PAM: variants seen among roughly 807,000 people sequenced by gnomAD.
The protein encoded by PAM is peptidyl-glycine alpha-amidating monooxygenase.
In PAM, 72 loss-of-function variants were observed where a neutral mutation model predicts 122.1. The ratio of observed to expected loss-of-function variants is 0.59; its 90% CI spans 0.49 to 0.72. The LOEUF (loss-of-function observed/expected upper bound fraction) is 0.72, where lower values mean the gene tolerates loss of function less well. Among genes scored for constraint, PAM ranks in the 30% least tolerant of loss-of-function variants. The pLI, the probability that PAM is intolerant of heterozygous loss-of-function variation, is 0.00. For missense variants in PAM, 1,106 were observed against 1,183.7 expected (o/e 0.93, Z 0.96); for synonymous variants, 389 against 404.4 (o/e 0.96, Z 0.46).
At chr5:102,906,189 A>G (rs111284963) in intron 4 of PAM, among the ~76,000 whole-genome samples, 5 of 151,856 alleles carry the variant, frequency 3.3e-5, no homozygotes, top group East Asian at 3.9e-4. Flanking sequence ...AATGTCTTCA[A>G]TTAGGTACAT....
In PAM at chr5:102,902,861, C is replaced by T. The variant is rs1246839754; in HGVS notation, c.268+1448C>T. The stretch of plus-strand genomic sequence containing the variant: ...CATGTGTTACAGCAGTATTACACAT[C>T]TCACATTAATAGGTTTGTTTCTGGA... On this transcript the variant is annotated intron_variant, in intron 4 of 25. Coordinates refer to ENST00000438793, the MANE Select transcript of PAM (RefSeq NM_001177306.2). Among the ~76,000 whole-genome samples the T allele has an allele frequency of 2.0e-5, 3 of 151,480 alleles. No individual in the cohort carries two copies. In the East Asian group the frequency reaches 5.8e-4, roughly 29 times the overall value.
intron 1 of PAM, among the ~76,000 whole-genome samples, chr5:102,809,094 A>C (rs1767076889): frequency 1.3e-5 from 2 of 152,192 alleles, no homozygotes; most frequent in South Asian, 4.1e-4. Context: ...AATGAGACAC[A>C]TGACCGGTTC....
intron 1 of PAM, among the ~76,000 whole-genome samples, chr5:102,785,484 T>G (rs1323748416): frequency 6.6e-6 from 1 of 152,050 alleles, no homozygotes; most frequent in Admixed American, 6.6e-5. Flanking sequence ...CCTTTAGAAG[T>G]ATCATGTGGA....
intron 1 of PAM, among the ~76,000 whole-genome samples, chr5:102,861,507 C>T (rs1181572695): frequency 2.0e-5 from 3 of 150,486 alleles, no homozygotes; most frequent in African/African-American, 7.3e-5. Context: ...TGAAGACAGA[C>T]TGAGAAACTG....
chr5:102,906,417 G>T (rs1330631228), intron 4 of PAM, among the ~76,000 whole-genome samples: 1 of 151,550 alleles, frequency 6.6e-6, no homozygotes, highest in Non-Finnish European at 1.5e-5. Flanking sequence ...CTCTGAAGAT[G>T]ACCTATTTGA....
At chr5:102,920,663 T>C (rs1415568381) in intron 5 of PAM, among the ~76,000 whole-genome samples, 1 of 152,120 alleles carries the variant, frequency 6.6e-6, no homozygotes, top group Non-Finnish European at 1.5e-5. Context: ...CCCCTCATGC[T>C]ATTGATTTTG....
chr5:102,875,623 T>G (rs1395708922), intron 3 of PAM, among the ~76,000 whole-genome samples: 2 of 152,164 alleles, frequency 1.3e-5, no homozygotes, highest in Non-Finnish European at 2.9e-5. Flanking sequence ...CAATGAAGAA[T>G]TTTTTTTGTT....
chr5:102,950,627 A>G (rs986226074), intron 11 of PAM, 90 bp from the exon 12 acceptor site: 7 of 768,052 alleles, frequency 9.1e-6, no homozygotes, highest in African/African-American at 6.9e-5. Context: ...AAAAAGGGGT[A>G]AAGGAGGAAC....
chr5:102,953,413 G>T (rs1308022942), intron 12 of PAM, among the ~76,000 whole-genome samples: 1 of 152,156 alleles, frequency 6.6e-6, no homozygotes, highest in East Asian at 1.9e-4. Context: ...TTGTGACAAG[G>T]TGGATGAATC....
intron 1 of PAM, among the ~76,000 whole-genome samples, chr5:102,843,976 T>G (rs1485965865): frequency 1.3e-5 from 2 of 152,194 alleles, no homozygotes; most frequent in Admixed American, 1.3e-4. Flanking sequence ...CCCAGAGAAA[T>G]GGAAATTTAT....
chr5:102,992,346 T>A (rs1774340113), intron 16 of PAM, among the ~76,000 whole-genome samples: 2 of 130,444 alleles, frequency 1.5e-5, no homozygotes, highest in South Asian at 4.4e-4. Context: ...GATGTAAAAC[T>A]ATTTTTTTTT....
chr5:102,796,757 A>G (rs1763482414), intron 1 of PAM, among the ~76,000 whole-genome samples: 1 of 152,142 alleles, frequency 6.6e-6, no homozygotes, highest in South Asian at 2.1e-4. Context: ...GTCATCTGCT[A>G]TCTGTGTAAC....
chr5:102,828,918 G>GGT, intron 1 of PAM, among the ~76,000 whole-genome samples: 1 of 126,014 alleles, frequency 7.9e-6, no homozygotes, highest in East Asian at 2.3e-4. Context: ...CTACCTCAGG[G>GGT]TTTTTTTTTT....
chr5:102,982,240 G>C (rs879438987), intron 15 of PAM, among the ~76,000 whole-genome samples: 5 of 152,146 alleles, frequency 3.3e-5, no homozygotes, highest in East Asian at 1.9e-4. Flanking sequence ...TGAGCCACAG[G>C]GGGGCCTGAG....
intron 4 of PAM, among the ~76,000 whole-genome samples, chr5:102,909,009 T>C (rs915888147): frequency 6.6e-6 from 1 of 151,846 alleles, no homozygotes; most frequent in African/African-American, 2.4e-5. Flanking sequence ...CTATCTTTAC[T>C]TTGAGCAGTT....
In PAM at chr5:102,912,453, A is replaced by G. The variant is rs555684488; in HGVS notation, c.269-1481A>G. ...AATAAAAGACCAGTACTCCTACCTCAGGACTTTTTCCATTTTCTTTCTGCC... is the reference window on the plus strand; with the variant it reads ...AATAAAAGACCAGTACTCCTACCTCGGGACTTTTTCCATTTTCTTTCTGCC... On this transcript the variant is annotated intron_variant, in intron 4 of 25. Coordinates refer to ENST00000438793, the MANE Select transcript of PAM (RefSeq NM_001177306.2). Among the ~76,000 whole-genome samples the G allele has an allele frequency of 4.6e-5, 7 of 152,176 alleles. 1 individual carries two copies. The Middle Eastern group carries it at 0.01, about 222-fold the overall frequency.
intron 1 of PAM, among the ~76,000 whole-genome samples, chr5:102,858,671 A>G (rs1326958688): frequency 6.6e-6 from 1 of 152,230 alleles, no homozygotes; most frequent in Non-Finnish European, 1.5e-5. Context: ...TAAAATGCAT[A>G]TATTCCTGTT....
At chr5:102,882,650 T>C (rs1791678134) in intron 3 of PAM, among the ~76,000 whole-genome samples, 2 of 152,132 alleles carry the variant, frequency 1.3e-5, no homozygotes. Context: ...TTGTGAAGAT[T>C]TTCTCCCACC....
chr5:102,829,921 G>T (rs1245173956), intron 1 of PAM, among the ~76,000 whole-genome samples: 2 of 151,972 alleles, frequency 1.3e-5, no homozygotes, highest in Non-Finnish European at 2.9e-5. Flanking sequence ...CTCTGTATAT[G>T]ACCTTTAAAA....
Sources: allele counts gnomAD v4.1 joint callset (sites outside exome capture counted in the v4.1 genomes callset), GRCh38; gene constraint gnomAD v4.1.1; transcripts MANE v1.5; gene names NCBI Gene and HGNC (gene_info 2026-07-23, HGNC 2026-07-21).